Variants in PDE8B observed in about 807,000 individuals in gnomAD.
PDE8B encodes the protein phosphodiesterase 8B.
A neutral mutation model predicts 101.3 loss-of-function variants in PDE8B; 26 were observed. The ratio of observed to expected loss-of-function variants is 0.26; its 90% confidence interval spans 0.19 to 0.36. PDE8B has a LOEUF of 0.36. Among genes scored for constraint, PDE8B ranks in the 10% least tolerant of loss-of-function variants. PDE8B has a pLI of 1.00. For missense variants in PDE8B, 810 were observed against 1,163.1 expected (o/e 0.70, Z 4.42); for synonymous variants, 424 against 429.3 (o/e 0.99, Z 0.15).
chr5:77,361,763 C>T (rs1413789629), intron 10 of PDE8B, among the ~76,000 whole-genome samples: 1 of 152,146 alleles, frequency 6.6e-6, no homozygotes, highest in African/African-American at 2.4e-5. Context: ...ATCCACCCGC[C>T]TCGGCCTCCT....
chr5:77,390,554 A>G (rs1789699476), intron 10 of PDE8B, among the ~76,000 whole-genome samples: 1 of 151,704 alleles, frequency 6.6e-6, no homozygotes, highest in Admixed American at 6.6e-5. Flanking sequence ...GAAACACACC[A>G]CACTACAGAG....
In PDE8B at chr5:77,211,762, G is replaced by A. The variant is rs1328247775; in HGVS notation, c.339+498G>A. ...CAGCCAGGCTGGAGTCTCAGCACAG[G>A]AACCGAGCGTAGGGATTTGTGAATG... On this transcript the variant is annotated intron_variant, in intron 1 of 21. Coordinates refer to ENST00000264917, the MANE Select transcript of PDE8B (RefSeq NM_003719.5). This position sits in a 1 kb window ranked among gnomAD's most constrained non-coding sequence, Gnocchi z 4.1. Among the ~76,000 whole-genome samples the A allele has an allele frequency of 6.6e-6, 1 of 152,238 alleles. No homozygotes were observed. The highest frequency in any genetic ancestry group is 1.5e-5 in the Non-Finnish European group (1 of 68,054).
intron 7 of PDE8B, 26 bp downstream of exon 7, chr5:77,344,957 T>TTAACATTCAAAATGAACC (rs781756640): frequency 6.8e-7 from 1 of 1,472,510 alleles, no homozygotes; most frequent in Non-Finnish European, 9.5e-7. Flanking sequence ...ACCTCTATCA[T>TTAACATTCAAAATGAACC]TAACATTCAA....
At chr5:77,303,218 C>G (rs959194893) in intron 1 of PDE8B, among the ~76,000 whole-genome samples, 1 of 151,954 alleles carries the variant, frequency 6.6e-6, no homozygotes, top group African/African-American at 2.4e-5. Flanking sequence ...CAGTAAACAC[C>G]CATGTACTCA....
At chr5:77,304,499 C>G (rs1770724848) in intron 1 of PDE8B, among the ~76,000 whole-genome samples, 1 of 151,914 alleles carries the variant, frequency 6.6e-6, no homozygotes, top group South Asian at 2.1e-4. Context: ...TTACAGTGCT[C>G]TTTGCTTTTT....
rs144095623 is a variant in PDE8B at position 77,377,999 on chromosome 5, C to CCT, written c.1168-22240_1168-22239dup. 2.1e-3 allele frequency among the ~76,000 whole-genome samples: 278 copies of CCT among 131,486 alleles called. 4 individuals carry two copies. The East Asian group carries it at 0.039, about 19-fold the overall frequency. 86.3% of individuals were successfully genotyped at this position (131,486 alleles called of 152,430 possible). On this transcript the variant is annotated intron_variant, in intron 10 of 21. Transcript: ENST00000264917. Reference sequence around the variant, plus strand: ...ACTCAGCTCGCTTGCTCGCTCTCTCCCTCTCTCTCTACACACACACACACA... The same window carrying CCT: ...ACTCAGCTCGCTTGCTCGCTCTCTCCCTCTCTCTCTCTACACACACACACACA...
chr5:77,403,623 T>C (rs915281198), intron 11 of PDE8B, among the ~76,000 whole-genome samples: 1 of 152,102 alleles, frequency 6.6e-6, no homozygotes, highest in South Asian at 2.1e-4. Flanking sequence ...ATATTGAAAC[T>C]TTTATGCATG....
chr5:77,129,571 C>T, the PDE8B span, among the ~76,000 whole-genome samples: 5,973 of 152,258 alleles, frequency 0.039, 161 homozygotes, highest in Non-Finnish European at 0.056. Context: ...AGGGCCGGGG[C>T]CAGGCATGAG....
chr5:77,292,851 C>T (rs1767680648), intron 1 of PDE8B, among the ~76,000 whole-genome samples: 1 of 151,896 alleles, frequency 6.6e-6, no homozygotes, highest in Middle Eastern at 3.4e-3. Context: ...ATATGTTTTT[C>T]TTACTAAAAA....
chr5:77,419,909 A>G (rs758040992), intron 19 of PDE8B, 22 bp downstream of exon 19: 7 of 1,613,414 alleles, frequency 4.3e-6, no homozygotes, highest in Non-Finnish European at 5.9e-6. Context: ...TTTCCATGCC[A>G]TAAGGCACAT....
intron 10 of PDE8B, among the ~76,000 whole-genome samples, chr5:77,362,439 G>A (rs1309170428): frequency 6.6e-6 from 1 of 152,200 alleles, no homozygotes. Flanking sequence ...AATGTGCTAT[G>A]TGGCCATATG....
At chr5:77,344,462 T>C (rs544919605) in intron 6 of PDE8B, among the ~76,000 whole-genome samples, 1 of 152,390 alleles carries the variant, frequency 6.6e-6, no homozygotes, top group African/African-American at 2.4e-5. Flanking sequence ...CTGACAGTTC[T>C]GGAGGCTGAG....
intron 1 of PDE8B, among the ~76,000 whole-genome samples, chr5:77,302,907 C>CA (rs1343746312): frequency 6.6e-6 from 1 of 152,166 alleles, no homozygotes; most frequent in African/African-American, 2.4e-5. Flanking sequence ...TATTGAGGCA[C>CA]AGTGCAGTTA....
intron 1 of PDE8B, among the ~76,000 whole-genome samples, chr5:77,251,317 G>A (rs952338570): frequency 3.3e-5 from 5 of 152,216 alleles, no homozygotes; most frequent in African/African-American, 1.2e-4. Flanking sequence ...CAGTTTCACT[G>A]TGATGTGTGT....
chr5:77,425,957 T>C lies in PDE8B; in HGVS notation c.2548+61T>C, dbSNP rs1561706588. On this transcript the variant is annotated intron_variant, in intron 21 of 21. Coordinates refer to ENST00000264917, the MANE Select transcript of PDE8B (RefSeq NM_003719.5). ...TGTTATACTTTACGAATATTATCTT[T>C]AGTGACACAGGGTGAGCCTAAAGGT... 7.9e-6 allele frequency: 12 copies of C among 1,512,576 alleles called. 1 individual carries two copies. The Admixed American group carries it at 1.8e-4, about 23-fold the overall frequency. The allele number at this position is 1,512,576 out of a possible 1,614,324, so 93.7% of individuals were successfully genotyped here. A position where few individuals can be genotyped will look rare whatever the true frequency, so the allele number is the denominator to read the frequency against.
chr5:77,276,972 G>T (rs968527198), intron 1 of PDE8B, among the ~76,000 whole-genome samples: 2 of 151,962 alleles, frequency 1.3e-5, no homozygotes, highest in African/African-American at 4.8e-5. Context: ...CCTGCCTCTA[G>T]ACACAGGGGT....
intron 17 of PDE8B, among the ~76,000 whole-genome samples, chr5:77,416,247 G>A (rs1372802930): frequency 2.6e-5 from 4 of 152,204 alleles, no homozygotes; most frequent in African/African-American, 9.6e-5. Context: ...TGCTATTTAT[G>A]TTTTCTACCC....
intron 1 of PDE8B, among the ~76,000 whole-genome samples, chr5:77,266,866 G>GC (rs1185517572): frequency 1.4e-5 from 2 of 144,906 alleles, no homozygotes; most frequent in Non-Finnish European, 3.0e-5. Flanking sequence ...TCTTGAATCT[G>GC]TTTTTTTTTT....
the PDE8B span, among the ~76,000 whole-genome samples, chr5:77,161,063 T>A: frequency 6.6e-6 from 1 of 152,250 alleles, no homozygotes; most frequent in South Asian, 2.1e-4. Context: ...ATTTTTTCAA[T>A]GTAATTGCAG....
Sources: allele counts gnomAD v4.1 joint callset (sites outside exome capture counted in the v4.1 genomes callset), GRCh38; gene constraint gnomAD v4.1.1; non-coding constraint Gnocchi (gnomAD v3.1); transcripts MANE v1.5; gene names NCBI Gene and HGNC (gene_info 2026-07-23, HGNC 2026-07-21).